Variants in RAB40C observed in about 807,000 individuals in gnomAD.
RAB40C encodes the protein RAB40C, member RAS oncogene family, also known as ras-related protein Rab-40C.
Under a neutral mutation model 28.1 loss-of-function variants are expected in RAB40C, and 8 were observed. The ratio of observed to expected loss-of-function variants is 0.28; its 90% confidence interval spans 0.17 to 0.51. RAB40C has a LOEUF of 0.51. Ranked by LOEUF, RAB40C falls within the 20% of genes least tolerant of loss-of-function variation. RAB40C has a pLI of 0.97. For missense variants in RAB40C, 288 were observed against 405.9 expected (o/e 0.71, Z 2.50); for synonymous variants, 201 against 171.7 (o/e 1.17, Z -1.34).
At chr16:613,813 T>G (rs1047721721) in intron 1 of RAB40C, among the ~76,000 whole-genome samples, 4 of 152,004 alleles carry the variant, frequency 2.6e-5, no homozygotes, top group African/African-American at 9.7e-5. Context: ...TCTTGGGGCC[T>G]TGGTGGGGGT....
chr16:626,475 C>T (rs1458814664), intron 5 of RAB40C, among the ~76,000 whole-genome samples: 1 of 152,182 alleles, frequency 6.6e-6, no homozygotes, highest in Non-Finnish European at 1.5e-5. Flanking sequence ...GGAGCCGTGC[C>T]TGCAGCTTTG....
chr16:607,928 G>A lies in RAB40C; in HGVS notation c.143-9280G>A, dbSNP rs184247945. On this transcript the variant is annotated intron_variant, in intron 1 of 5. Transcript: ENST00000248139. The stretch of plus-strand genomic sequence containing the variant: ...ACCCCTTCCTCCCCCTCCACTGCCC[G>A]TTTTCAGATTGATGCTGTGAGACCC... 5.3e-5 allele frequency among the ~76,000 whole-genome samples: 8 copies of A among 152,176 alleles called. No homozygotes were observed. The South Asian group carries it at 1.5e-3, about 28-fold the overall frequency.
Position 625,981 on chromosome 16 carries a change from G to A in RAB40C, c.425G>A (p.Arg142His), listed in dbSNP as rs1596418452. The change falls in exon 5 of 6, where the codon CGC (arginine) becomes CAC (histidine). Residue 142 changes from arginine (R) to histidine (H), a missense_variant. Physicochemically the swap from Arg to His is conservative, Grantham distance 29. Coordinates refer to ENST00000248139, the MANE Select transcript of RAB40C (RefSeq NM_021168.5). ...FKRQVPTEQARAYAEKNCMTF... is the reference protein window; with the variant it reads ...FKRQVPTEQAHAYAEKNCMTF... ...CGGCAGGTCCCGACGGAGCAGGCCC[G>A]CGCGTACGCAGAGAAGAACTGCATG... 6 of 1,613,038 alleles carry A rather than the reference G, an allele frequency of 3.7e-6. No individual in the cohort carries two copies. The highest frequency in any genetic ancestry group is 1.7e-5 in the Admixed American group (1 of 60,008).
intron 1 of RAB40C, among the ~76,000 whole-genome samples, chr16:597,865 C>G (rs1011221139): frequency 3.5e-5 from 5 of 144,176 alleles, no homozygotes; most frequent in African/African-American, 1.3e-4. Flanking sequence ...CCTTGGGAGG[C>G]CGAGGTAGGC....
intron 1 of RAB40C, among the ~76,000 whole-genome samples, chr16:608,744 G>A (rs2036418123): frequency 6.6e-6 from 1 of 152,130 alleles, no homozygotes; most frequent in Admixed American, 6.5e-5. Context: ...ATGGTGGCGG[G>A]CACCTGTAGT....
chr16:618,376 T>C lies in RAB40C; in HGVS notation c.264+116T>C. On this transcript the variant is annotated intron_variant, in intron 3 of 5. Coordinates refer to ENST00000248139, the MANE Select transcript of RAB40C (RefSeq NM_021168.5). ...AGGACTTTCTTTCTTTATAAGGATA[T>C]TCTCACATTGGTTTGTTTATTTGTT... is the stretch of plus-strand genomic sequence containing the variant. 5 of 1,041,198 alleles carry C rather than the reference T, an allele frequency of 4.8e-6. No individual in the cohort carries two copies. The South Asian group carries it at 8.5e-5, about 18-fold the overall frequency. The allele number at this position is 1,041,198 out of a possible 1,614,324, so 64.5% of individuals were successfully genotyped here. A position where few individuals can be genotyped will look rare whatever the true frequency, so the allele number is the denominator to read the frequency against.
At position 618,029 on chromosome 16, in the gene RAB40C, G is replaced by A. The variant is rs144670488; in HGVS notation, c.204-171G>A. Among the ~76,000 whole-genome samples, 504 of 152,244 alleles carry A rather than the reference G, an allele frequency of 3.3e-3. 5 individuals carry two copies. Among genetic ancestry groups the A allele is most frequent in the Non-Finnish European group, 5.8e-3 (393 of 68,006 alleles). ...TGCCTGCCTGGCTCAGCGGCACGGC[G>A]CCAGGCTGCTGTGACCTGTGCAGAC... is the stretch of plus-strand genomic sequence containing the variant. On this transcript the variant is annotated intron_variant, in intron 2 of 5. Transcript: ENST00000248139.
chr16:618,689 G>T (rs1229818342), intron 3 of RAB40C, among the ~76,000 whole-genome samples: 9 of 149,986 alleles, frequency 6.0e-5, no homozygotes, highest in African/African-American at 2.0e-4. Context: ...CTGTGTGTGT[G>T]CACAGGTGTA....
At chr16:601,664 T>C (rs1028101301) in intron 1 of RAB40C, among the ~76,000 whole-genome samples, 12 of 151,440 alleles carry the variant, frequency 7.9e-5, no homozygotes, top group South Asian at 6.2e-4. Context: ...TGCTTATAAG[T>C]TTATCAAATA....
intron 4 of RAB40C, 98 bp from the exon 5 acceptor site, chr16:625,801 C>T: frequency 8.1e-7 from 1 of 1,236,520 alleles, no homozygotes; most frequent in Non-Finnish European, 1.1e-6. Context: ...CCACGGCCCT[C>T]ACCCCATCAT....
In RAB40C at chr16:590,255, C is replaced by A. The variant is rs1378819548; in HGVS notation, c.-37C>A. On this transcript the variant is annotated 5_prime_UTR_variant, in exon 1 of 6. Transcript: ENST00000248139. ...GCCGCGGCCTCACCCGGCGGTGCTTCGGCAGGCGGCCGGCGCGGGGCGCAG... is the reference window on the plus strand; with the variant it reads ...GCCGCGGCCTCACCCGGCGGTGCTTAGGCAGGCGGCCGGCGCGGGGCGCAG... The A allele has an allele frequency of 7.2e-7, 1 of 1,398,200 alleles. No individual in the cohort carries two copies. The highest frequency in any genetic ancestry group is 1.5e-5 in the South Asian group (1 of 67,862). The allele number at this position is 1,398,200 out of a possible 1,614,324, so 86.6% of individuals were successfully genotyped here.
chr16:612,976 A>T (rs545344090), intron 1 of RAB40C, among the ~76,000 whole-genome samples: 9 of 69,282 alleles, frequency 1.3e-4, no homozygotes, highest in African/African-American at 5.3e-4. Flanking sequence ...GAGCAGGGAC[A>T]GCCGCCCTGG....
At chr16:625,310 C>T (rs538681220) in intron 3 of RAB40C, 122 bp from the exon 4 acceptor site, 103 of 1,477,968 alleles carry the variant, frequency 7.0e-5, no homozygotes, top group Non-Finnish European at 8.6e-5. Context: ...TCTGCCCATC[C>T]GCCAAGTAAT....
At chr16:598,209 C>A (rs530899714) in intron 1 of RAB40C, among the ~76,000 whole-genome samples, 4 of 152,032 alleles carry the variant, frequency 2.6e-5, no homozygotes, top group South Asian at 2.1e-4. Context: ...GAAACCCTGT[C>A]TCTATAAAAA....
At chr16:616,028 C>A (rs181841218) in intron 1 of RAB40C, among the ~76,000 whole-genome samples, 1 of 152,022 alleles carries the variant, frequency 6.6e-6, no homozygotes, top group Non-Finnish European at 1.5e-5. Context: ...GAGGCTGAGG[C>A]GGGTGGATCA....
intron 4 of RAB40C, 124 bp from the exon 5 acceptor site, chr16:625,759 TGCCCACCTTGACCTCC>T (rs995678271): frequency 9.7e-5 from 90 of 930,280 alleles, no homozygotes; most frequent in Non-Finnish European, 1.3e-4. Context: ...CCCTGGGGTC[TGCCCACCTTGACCTCC>T]GCCCACCTTG....
intron 1 of RAB40C, among the ~76,000 whole-genome samples, chr16:596,604 A>G (rs148375032): frequency 2.6e-5 from 4 of 152,300 alleles, no homozygotes; most frequent in African/African-American, 9.6e-5. Flanking sequence ...AGGCGGGGAG[A>G]CTGCTTGTCA....
intron 1 of RAB40C, among the ~76,000 whole-genome samples, chr16:596,859 A>C (rs1367474461): frequency 2.0e-5 from 3 of 152,170 alleles, no homozygotes; most frequent in Admixed American, 6.5e-5. Flanking sequence ...TTTGAGCCTA[A>C]GGTAGCGAGG....
intron 1 of RAB40C, among the ~76,000 whole-genome samples, chr16:608,624 CTT>C (rs1226128099): frequency 6.6e-6 from 1 of 152,190 alleles, no homozygotes; most frequent in African/African-American, 2.4e-5. Context: ...AATCCCAGCA[CTT>C]TAGGAGGCCG....
Sources: gnomAD v4.1 joint callset for allele counts (sites outside exome capture counted in the v4.1 genomes callset) on GRCh38, gnomAD v4.1.1 for gene constraint, MANE v1.5 for transcripts, NCBI Gene and HGNC (gene_info 2026-07-23, HGNC 2026-07-21) for gene names.